The following CCSER1 variants were observed in gnomAD, a reference collection of about 807,000 sequenced individuals.
The protein encoded by CCSER1 is serine-rich coiled-coil domain-containing protein 1.
A neutral mutation model predicts 82.0 loss-of-function variants in CCSER1; 41 were observed. The observed-to-expected ratio is 0.50, with a 90% CI of 0.39 to 0.65. The LOEUF (loss-of-function observed/expected upper bound fraction) is 0.65, where lower values mean the gene tolerates loss of function less well. Among genes scored for constraint, CCSER1 ranks in the 30% least tolerant of loss-of-function variants. CCSER1 has a pLI of 0.00. For missense variants in CCSER1, 1,119 were observed against 1,064.2 expected (o/e 1.05, Z -0.72); for synonymous variants, 414 against 383.9 (o/e 1.08, Z -0.92).
chr4:91,356,930 G>A lies in CCSER1; in HGVS notation c.2218-241642G>A, dbSNP rs535139045. Among the ~76,000 whole-genome samples, 14 of 152,242 alleles carry A rather than the reference G, an allele frequency of 9.2e-5. No homozygotes were observed. The South Asian group carries it at 2.3e-3, about 25-fold the overall frequency. ...GCTACCATACAGCCCACGCCTGGTC[G>A]ACTGAAGGACCACCTTAGTGGAAGG... On this transcript the variant is annotated intron_variant, in intron 10 of 10. Coordinates refer to ENST00000509176, the MANE Select transcript of CCSER1 (RefSeq NM_001145065.2).
At chr4:90,219,236 C>A (rs1051086315) in intron 1 of CCSER1, among the ~76,000 whole-genome samples, 1 of 152,008 alleles carries the variant, frequency 6.6e-6, no homozygotes, top group Non-Finnish European at 1.5e-5. Flanking sequence ...GATGCACTGA[C>A]GTATTTGTTG....
intron 1 of CCSER1, among the ~76,000 whole-genome samples, chr4:90,180,359 T>A (rs1212453423): frequency 2.6e-5 from 4 of 151,824 alleles, no homozygotes; most frequent in Non-Finnish European, 5.9e-5. Context: ...GATGCCAAGG[T>A]GCGTGGAGTG....
chr4:91,286,956 C>G (rs1266560126), intron 10 of CCSER1, among the ~76,000 whole-genome samples: 1 of 151,702 alleles, frequency 6.6e-6, no homozygotes. Context: ...GAGTAGTTAC[C>G]TAATTTAGCT....
intron 10 of CCSER1, among the ~76,000 whole-genome samples, chr4:91,181,293 C>T (rs1230696499): frequency 6.6e-6 from 1 of 152,136 alleles, no homozygotes; most frequent in African/African-American, 2.4e-5. Flanking sequence ...TGCAGACTAC[C>T]CAAAGACAAT....
chr4:90,579,588 C>T (rs892457390), intron 5 of CCSER1, among the ~76,000 whole-genome samples: 3 of 151,984 alleles, frequency 2.0e-5, no homozygotes, highest in African/African-American at 7.3e-5. Context: ...TTTTCCATAC[C>T]TCCTTGCACT....
chr4:90,940,248 C>T (rs182715901), intron 9 of CCSER1, among the ~76,000 whole-genome samples: 6 of 152,080 alleles, frequency 3.9e-5, no homozygotes, highest in Non-Finnish European at 8.8e-5. Flanking sequence ...CTTTTTAATA[C>T]CAGCAAAACA....
rs956535166 is a variant in CCSER1, at chr4:91,418,430, A to T, written c.2218-180142A>T. Among the ~76,000 whole-genome samples the T allele has an allele frequency of 2.0e-5, 3 of 151,630 alleles. 1 individual carries two copies. Among genetic ancestry groups the T allele is most frequent in the African/African-American group, 7.3e-5 (3 of 41,122 alleles). ...AAATTATACCACAGAAATACAAAAG[A>T]TCATAATACTATGAACAAATATACA... On this transcript the variant is annotated intron_variant, in intron 10 of 10. Coordinates refer to ENST00000509176, the MANE Select transcript of CCSER1 (RefSeq NM_001145065.2).
At chr4:91,186,746 A>G (rs1658911378) in intron 10 of CCSER1, among the ~76,000 whole-genome samples, 2 of 152,218 alleles carry the variant, frequency 1.3e-5, no homozygotes. Flanking sequence ...AAATGAAGGG[A>G]TGGGCTGAAT....
intron 10 of CCSER1, among the ~76,000 whole-genome samples, chr4:91,242,279 A>T (rs1739435025): frequency 6.6e-6 from 1 of 152,206 alleles, no homozygotes; most frequent in Non-Finnish European, 1.5e-5. Flanking sequence ...GAATACCAGG[A>T]AATAGACATG....
At chr4:90,169,402 T>A (rs1731201926) in intron 1 of CCSER1, among the ~76,000 whole-genome samples, 2 of 152,120 alleles carry the variant, frequency 1.3e-5, no homozygotes, top group African/African-American at 4.8e-5. Flanking sequence ...TTTCTAGGTA[T>A]ACAATCATGT....
rs184347635 is a variant in CCSER1 at position 91,153,912 on chromosome 4, C to T, written c.2217+67918C>T. Among the ~76,000 whole-genome samples the T allele has an allele frequency of 4.2e-3, 635 of 152,008 alleles. 12 individuals are homozygous for T. Among genetic ancestry groups the T allele is most frequent in the South Asian group, 0.032 (152 of 4,814 alleles). ...GCCCCCGGCTGTATGAGGTGTCAGTCGGCCCCTACTGGGAGGTGCCTCCCA... is the reference window on the plus strand; with the variant it reads ...GCCCCCGGCTGTATGAGGTGTCAGTTGGCCCCTACTGGGAGGTGCCTCCCA... On this transcript the variant is annotated intron_variant, in intron 10 of 10. Transcript: ENST00000509176.
intron 1 of CCSER1, among the ~76,000 whole-genome samples, chr4:90,156,065 G>T (rs375715748): frequency 6.6e-6 from 1 of 152,064 alleles, no homozygotes; most frequent in Non-Finnish European, 1.5e-5. Context: ...AGATTCTGGT[G>T]TGTTGTGTCT....
intron 9 of CCSER1, among the ~76,000 whole-genome samples, chr4:90,975,133 T>C (rs1471292083): frequency 6.6e-6 from 1 of 151,410 alleles, no homozygotes; most frequent in Non-Finnish European, 1.5e-5. Flanking sequence ...TATTGTATGA[T>C]TCAATTTATA....
chr4:91,150,687 C>A (rs1730085198), intron 10 of CCSER1, among the ~76,000 whole-genome samples: 1 of 152,078 alleles, frequency 6.6e-6, no homozygotes, highest in Non-Finnish European at 1.5e-5. Context: ...GAGTTTTTAG[C>A]ATGAAGGGTT....
intron 9 of CCSER1, among the ~76,000 whole-genome samples, chr4:91,066,608 C>T (rs1056862781): frequency 1.1e-4 from 16 of 152,102 alleles, no homozygotes; most frequent in Non-Finnish European, 1.6e-4. Context: ...TATTCTTCTG[C>T]GTAACTGGAG....
intron 1 of CCSER1, among the ~76,000 whole-genome samples, chr4:90,275,823 C>T (rs988858714): frequency 6.6e-6 from 1 of 152,016 alleles, no homozygotes; most frequent in Admixed American, 6.6e-5. Flanking sequence ...AGCATATTCA[C>T]TATACAAGTG....
chr4:90,488,093 C>G (rs1234797847), intron 5 of CCSER1, among the ~76,000 whole-genome samples: 1 of 152,182 alleles, frequency 6.6e-6, no homozygotes, highest in African/African-American at 2.4e-5. Flanking sequence ...AGCATGTTCC[C>G]TGTTCCTGAT....
intron 10 of CCSER1, among the ~76,000 whole-genome samples, chr4:91,533,406 C>T (rs1183536056): frequency 6.6e-6 from 1 of 152,114 alleles, no homozygotes; most frequent in Non-Finnish European, 1.5e-5. Context: ...TGTGTTTTAT[C>T]CAACCTCCTG....
At chr4:91,139,309 G>C (rs145439407) in intron 10 of CCSER1, among the ~76,000 whole-genome samples, 6 of 152,038 alleles carry the variant, frequency 3.9e-5, no homozygotes, top group African/African-American at 1.4e-4. Flanking sequence ...TGGGAAACTA[G>C]ATTGGTTCCC....
Sources: allele counts gnomAD v4.1 joint callset (sites outside exome capture counted in the v4.1 genomes callset), GRCh38; gene constraint gnomAD v4.1.1; transcripts MANE v1.5; gene names NCBI Gene and HGNC (gene_info 2026-07-23, HGNC 2026-07-21).